The following RANBP2 variants were observed in gnomAD, a reference collection of about 807,000 sequenced individuals.
RANBP2 encodes E3 SUMO-protein ligase RanBP2.
RANBP2 carries 57 observed loss-of-function variants against 303.6 expected under a neutral mutation model. The observed-to-expected ratio is 0.19, with a 90% CI of 0.15 to 0.23. The LOEUF (loss-of-function observed/expected upper bound fraction) is 0.23. Ranked by LOEUF, RANBP2 falls within the 10% of genes least tolerant of loss-of-function variation. The pLI is 1.00. For synonymous variants in RANBP2, 1,167 were observed against 1,301.5 expected, an observed-to-expected ratio of 0.90 and a Z score of 2.23; for missense variants, 3,138 against 3,780.8, an observed-to-expected ratio of 0.83 and a Z score of 4.46.
the RANBP2 span, among the ~76,000 whole-genome samples, chr2:109,670,945 A>AT: frequency 7.4e-4 from 112 of 152,192 alleles, 2 homozygotes; most frequent in South Asian, 0.014. Context: ...GCTGGGCACT[A>AT]TGGTGTCTCC....
intron 1 of RANBP2, among the ~76,000 whole-genome samples, chr2:108,719,922 T>A (rs2149047761): frequency 6.6e-6 from 1 of 152,268 alleles, no homozygotes; most frequent in East Asian, 1.9e-4. Context: ...TTCCCGACGC[T>A]TGTTCCCGAC....
chr2:109,002,671 G>C, the RANBP2 span, among the ~76,000 whole-genome samples: 2,152 of 152,252 alleles, frequency 0.014, 25 homozygotes, highest in South Asian at 0.041. Context: ...AGTCCCTCAA[G>C]CACCAGGCAC....
At chr2:109,656,688 A>G in the RANBP2 span, among the ~76,000 whole-genome samples, 275 of 152,352 alleles carry the variant, frequency 1.8e-3, 2 homozygotes, top group Middle Eastern at 6.8e-3. Flanking sequence ...GGTGCTTATC[A>G]TATACGATTA....
the RANBP2 span, among the ~76,000 whole-genome samples, chr2:108,974,129 A>G: frequency 6.6e-6 from 1 of 151,704 alleles, no homozygotes; most frequent in Non-Finnish European, 1.5e-5. Context: ...GGAGATCGAG[A>G]CCATCCTGGC....
chr2:109,343,649 T>C, the RANBP2 span, among the ~76,000 whole-genome samples: 1 of 152,026 alleles, frequency 6.6e-6, no homozygotes, highest in Non-Finnish European at 1.5e-5. Context: ...AGCAGGTGGG[T>C]TGGGGCCAGC....
chr2:109,011,109 T>C, the RANBP2 span, among the ~76,000 whole-genome samples: 6 of 152,358 alleles, frequency 3.9e-5, no homozygotes, highest in African/African-American at 1.4e-4. Context: ...CATCTTAGGG[T>C]CACCTTTCAT....
the RANBP2 span, among the ~76,000 whole-genome samples, chr2:109,475,518 C>T: frequency 1.5e-4 from 23 of 152,218 alleles, no homozygotes; most frequent in Non-Finnish European, 2.4e-4. Context: ...ACTTCTGCCT[C>T]ATACAGTTGG....
At chr2:109,630,815 C>T in the RANBP2 span, among the ~76,000 whole-genome samples, 1 of 152,142 alleles carries the variant, frequency 6.6e-6, no homozygotes, top group African/African-American at 2.4e-5. Flanking sequence ...CCTGTAATCC[C>T]ATCAGTTTGG....
chr2:108,725,189 AG>A (rs1312256302), intron 1 of RANBP2, among the ~76,000 whole-genome samples: 2 of 152,166 alleles, frequency 1.3e-5, no homozygotes, highest in African/African-American at 4.8e-5. Flanking sequence ...CATGTAAAGA[AG>A]TACTGCTTGC....
the RANBP2 span, among the ~76,000 whole-genome samples, chr2:109,659,480 T>C: frequency 6.6e-6 from 1 of 152,154 alleles, no homozygotes; most frequent in African/African-American, 2.4e-5. Flanking sequence ...CTGTGGGGGA[T>C]GTACTGTGAT....
At chr2:109,608,772 A>T in the RANBP2 span, among the ~76,000 whole-genome samples, 4 of 151,028 alleles carry the variant, frequency 2.6e-5, no homozygotes, top group Non-Finnish European at 5.9e-5. Flanking sequence ...TACAAATCCT[A>T]AAAAAAAATT....
the RANBP2 span, among the ~76,000 whole-genome samples, chr2:108,831,700 T>TCTTCCTTCCTTCCTTC: frequency 0.12 from 17,093 of 145,116 alleles, 1,273 homozygotes; most frequent in Middle Eastern, 0.19. Flanking sequence ...TGGCACAGAA[T>TCTTCCTTCCTTCCTTC]CTTCCTTCCT....
At chr2:109,656,613 T>G in the RANBP2 span, among the ~76,000 whole-genome samples, 1 of 152,200 alleles carries the variant, frequency 6.6e-6, no homozygotes, top group Non-Finnish European at 1.5e-5. Context: ...GTGCTGGGAT[T>G]ATAGGCATGA....
At chr2:108,823,845 CGG>C in the RANBP2 span, among the ~76,000 whole-genome samples, 1 of 151,998 alleles carries the variant, frequency 6.6e-6, no homozygotes, top group Non-Finnish European at 1.5e-5. Flanking sequence ...GGCGTGGTGG[CGG>C]GCATCTGTAA....
At chr2:108,842,118 C>T in the RANBP2 span, among the ~76,000 whole-genome samples, 3 of 152,030 alleles carry the variant, frequency 2.0e-5, no homozygotes, top group African/African-American at 7.2e-5. Flanking sequence ...GCCTCCAGCT[C>T]CTGGGCTCAA....
At chr2:108,736,692 C>G (rs1301230635) in intron 6 of RANBP2, among the ~76,000 whole-genome samples, 1 of 152,132 alleles carries the variant, frequency 6.6e-6, no homozygotes, top group African/African-American at 2.4e-5. Context: ...AGCTGAGAAA[C>G]AAAATAACTC....
the RANBP2 span, chr2:109,574,437 T>C: frequency 2.3e-6 from 1 of 429,868 alleles, no homozygotes; most frequent in Non-Finnish European, 3.4e-6. Context: ...AGAGTGACTT[T>C]ATCTCTAAAA....
intron 11 of RANBP2, 21 bp from the exon 12 acceptor site, chr2:108,751,850 G>A (rs1172760484): frequency 6.2e-7 from 1 of 1,611,980 alleles, no homozygotes; most frequent in East Asian, 2.2e-5. Context: ...AGCAATTTTA[G>A]TAAATTGAAC....
At chr2:109,129,421 G>A in the RANBP2 span, 1 of 1,463,796 alleles carries the variant, frequency 6.8e-7, no homozygotes, top group Non-Finnish European at 9.1e-7. Flanking sequence ...CCACCAGCCG[G>A]GGTGAAGAAA....
Sources: gnomAD v4.1 joint callset for allele counts (sites outside exome capture counted in the v4.1 genomes callset) on GRCh38, gnomAD v4.1.1 for gene constraint, MANE v1.5 for transcripts, NCBI Gene and HGNC (gene_info 2026-07-23, HGNC 2026-07-21) for gene names.